SNTG1: variants seen among roughly 807,000 people sequenced by gnomAD.
SNTG1 encodes the protein gamma-1-syntrophin.
In SNTG1, 39 loss-of-function variants were observed where a neutral mutation model predicts 74.7. That is an observed-to-expected ratio of 0.52 (90% CI 0.40 to 0.68). The LOEUF (loss-of-function observed/expected upper bound fraction) is 0.68. Ranked by LOEUF, SNTG1 falls within the 30% of genes least tolerant of loss-of-function variation. The probability of loss-of-function intolerance (pLI) is 0.00; values close to 1 mark genes in which losing one functional copy is unlikely to be tolerated. For missense variants in SNTG1, 685 were observed against 609.5 expected, an observed-to-expected ratio of 1.12 and a Z score of -1.30; for synonymous variants, 254 against 217.1, an observed-to-expected ratio of 1.17 and a Z score of -1.49.
chr8:50,723,484 T>A (rs2095492582), intron 17 of SNTG1, among the ~76,000 whole-genome samples: 1 of 152,132 alleles, frequency 6.6e-6, no homozygotes, highest in South Asian at 2.1e-4. Flanking sequence ...TTCTCTAAAG[T>A]TGGGCATTTC....
intron 15 of SNTG1, among the ~76,000 whole-genome samples, chr8:50,677,497 G>T (rs1276064841): frequency 6.6e-6 from 1 of 151,858 alleles, no homozygotes; most frequent in Non-Finnish European, 1.5e-5. Context: ...CTTAGAATGA[G>T]AATTACTTTT....
At chr8:50,010,227 T>A (rs1815644706) in intron 1 of SNTG1, among the ~76,000 whole-genome samples, 1 of 152,154 alleles carries the variant, frequency 6.6e-6, no homozygotes, top group South Asian at 2.1e-4. Flanking sequence ...TTGTGTTCAA[T>A]TATACCAGGC....
chr8:50,648,418 G>A (rs2095124076), intron 13 of SNTG1, among the ~76,000 whole-genome samples: 1 of 151,904 alleles, frequency 6.6e-6, no homozygotes, highest in South Asian at 2.1e-4. Flanking sequence ...CCAAAACAGA[G>A]GAGTCATTAA....
At chr8:50,083,742 A>T (rs1233667147) in intron 1 of SNTG1, among the ~76,000 whole-genome samples, 1 of 152,160 alleles carries the variant, frequency 6.6e-6, no homozygotes, top group East Asian at 1.9e-4. Flanking sequence ...CTGTGTTGTG[A>T]TATAGTCCTG....
chr8:50,607,369 AT>A (rs144425231), intron 13 of SNTG1, among the ~76,000 whole-genome samples: 3,129 of 147,386 alleles, frequency 0.021, 110 homozygotes, highest in African/African-American at 0.069. Context: ...GGTTTTAACT[AT>A]TTTTTTTTTG....
chr8:50,090,506 G>C (rs1039091624), intron 1 of SNTG1, among the ~76,000 whole-genome samples: 10 of 152,258 alleles, frequency 6.6e-5, no homozygotes, highest in African/African-American at 1.7e-4. Flanking sequence ...ATCTGCAGAA[G>C]GTTCTCTAGA....
chr8:50,587,139 G>C (rs1332285081), intron 12 of SNTG1, among the ~76,000 whole-genome samples: 3 of 150,876 alleles, frequency 2.0e-5, no homozygotes, highest in African/African-American at 7.3e-5. Context: ...CTTTGTGCAT[G>C]TGTATATATA....
At chr8:50,109,169 A>G (rs1487376089) in intron 1 of SNTG1, among the ~76,000 whole-genome samples, 1 of 152,154 alleles carries the variant, frequency 6.6e-6, no homozygotes, top group Admixed American at 6.6e-5. Flanking sequence ...TTCATGGCAT[A>G]CCACAGGAAT....
At chr8:50,242,658 G>T (rs1235838667) in intron 2 of SNTG1, among the ~76,000 whole-genome samples, 2 of 151,360 alleles carry the variant, frequency 1.3e-5, no homozygotes, top group Non-Finnish European at 2.9e-5. Context: ...GGAGTGGTTA[G>T]TCATTATCTA....
intron 1 of SNTG1, among the ~76,000 whole-genome samples, chr8:50,006,148 T>A (rs1815211668): frequency 6.6e-6 from 1 of 151,598 alleles, no homozygotes; most frequent in Admixed American, 6.6e-5. Flanking sequence ...TTTTCAGTAA[T>A]GACGGGGTTT....
At chr8:50,693,653 A>G (rs1585556164) in intron 15 of SNTG1, among the ~76,000 whole-genome samples, 1 of 152,200 alleles carries the variant, frequency 6.6e-6, no homozygotes. Context: ...TAACAGCAAC[A>G]GAATACACAT....
chr8:50,056,802 T>C (rs1471072832), intron 1 of SNTG1, among the ~76,000 whole-genome samples: 1 of 152,090 alleles, frequency 6.6e-6, no homozygotes, highest in Non-Finnish European at 1.5e-5. Context: ...ATAGGCCCCA[T>C]GGAGGCAATT....
chr8:49,929,318 G>C (rs535832090), intron 1 of SNTG1, among the ~76,000 whole-genome samples: 1 of 152,194 alleles, frequency 6.6e-6, no homozygotes, highest in Non-Finnish European at 1.5e-5. Context: ...TGACTCATCT[G>C]AATCTCTTCC....
chr8:50,099,112 G>A (rs1001935038), intron 1 of SNTG1, among the ~76,000 whole-genome samples: 2 of 152,052 alleles, frequency 1.3e-5, no homozygotes, highest in East Asian at 3.9e-4. Flanking sequence ...GTGTCTAATG[G>A]TAAAATTTCA....
intron 4 of SNTG1, among the ~76,000 whole-genome samples, chr8:50,427,453 G>A (rs188775306): frequency 7.9e-5 from 12 of 151,478 alleles, no homozygotes; most frequent in East Asian, 7.8e-4. Flanking sequence ...TTTTTGAGTC[G>A]GGGTCTCCCT....
chr8:49,973,521 A>C (rs1041494054), intron 1 of SNTG1, among the ~76,000 whole-genome samples: 4 of 152,148 alleles, frequency 2.6e-5, no homozygotes, highest in Non-Finnish European at 5.9e-5. Flanking sequence ...AATAATAAAA[A>C]AAAAAAAAGA....
chr8:50,417,810 T>C (rs751670293), intron 4 of SNTG1, among the ~76,000 whole-genome samples: 1 of 152,156 alleles, frequency 6.6e-6, no homozygotes, highest in Non-Finnish European at 1.5e-5. Flanking sequence ...TGTGACCTTA[T>C]GTGTTTTCTC....
chr8:49,946,537 A>T (rs531445268), intron 1 of SNTG1, among the ~76,000 whole-genome samples: 1 of 152,316 alleles, frequency 6.6e-6, no homozygotes, highest in South Asian at 2.1e-4. Context: ...TAGCTTTTAT[A>T]TTATAGAATC....
chr8:50,315,045 T>C (rs1433801494), intron 2 of SNTG1, among the ~76,000 whole-genome samples: 1 of 149,926 alleles, frequency 6.7e-6, no homozygotes. Flanking sequence ...ATCAAAAAAT[T>C]AATTACTAAA....
Sources: allele counts gnomAD v4.1 joint callset (sites outside exome capture counted in the v4.1 genomes callset), GRCh38; gene constraint gnomAD v4.1.1; transcripts MANE v1.5; gene names NCBI Gene and HGNC (gene_info 2026-07-23, HGNC 2026-07-21).